MKI67: variants seen among roughly 807,000 people sequenced by gnomAD.
MKI67 encodes proliferation marker protein Ki-67.
A neutral mutation model predicts 233.5 loss-of-function variants in MKI67; 152 were observed. The ratio of observed to expected loss-of-function variants is 0.65; its 90% confidence interval spans 0.57 to 0.74. The LOEUF is 0.74. Ranked by LOEUF, MKI67 falls within the 30% of genes least tolerant of loss-of-function variation. The pLI, the probability that MKI67 is intolerant of heterozygous loss-of-function variation, is 0.00. For missense variants in MKI67, 3,940 were observed against 3,885.2 expected (o/e 1.01, Z -0.37); for synonymous variants, 1,465 against 1,418.5 (o/e 1.03, Z -0.74).
In MKI67 at chr10:128,115,266, T is replaced by A; in HGVS notation, c.1142A>T (p.Glu381Val). The A allele has an allele frequency of 6.2e-7, 1 of 1,614,208 alleles. No homozygotes were observed. Among genetic ancestry groups the A allele is most frequent in the Non-Finnish European group, 8.5e-7 (1 of 1,180,030 alleles). The change falls in exon 7 of 15, where the codon GAA becomes GTA. Residue 381 changes from glutamate (E) to valine (V), a missense_variant. Transcript: ENST00000368654. ...AGTTTTATCACCAGCCTTGAAGCCT[T>A]CACTTTTACCCAGATTCACAGATTC... ...RRESVNLGKS[E>V]GFKAGDKTLT... is the part of the protein sequence containing the mutation.
Position 128,125,979 on chromosome 10 carries a change from C to G in MKI67, c.-90+120G>C. The stretch of plus-strand genomic sequence containing the variant: ...CCACCGAGACGCCCTCGCCAGAGCC[C>G]AGGAGGAGTCGGGCCCAGGCCGCGC... On this transcript the variant is annotated intron_variant, in intron 1 of 14. Coordinates refer to ENST00000368654, the MANE Select transcript of MKI67 (RefSeq NM_002417.5). This position sits in a 1 kb window ranked among gnomAD's most constrained non-coding sequence, Gnocchi z 5.3. 1 of 395,458 alleles carries G rather than the reference C, an allele frequency of 2.5e-6. No individual in the cohort carries two copies. Among genetic ancestry groups the G allele is most frequent in the African/African-American group, 2.1e-5 (1 of 47,316 alleles). The allele number at this position is 395,458 out of a possible 1,614,324, so 24.5% of individuals were successfully genotyped here. A position where few individuals can be genotyped will look rare whatever the true frequency, so the allele number is the denominator to read the frequency against.
Position 128,108,618 on chromosome 10 carries a change from C to T in MKI67, c.3222G>A (p.Gln1074=). The part of the protein sequence containing the change: ...SIRTFKESPK[Q]ILDPAARVTG... ...TTACACGGGCTGCTGGGTCCAGGAT[C>T]TGCTTTGGAGACTCCTTAAACGTTC... Residue 1074 remains glutamine, a synonymous_variant, in exon 13 of 15, where the codon CAG becomes CAA. Coordinates refer to ENST00000368654, the MANE Select transcript of MKI67 (RefSeq NM_002417.5). The T allele has an allele frequency of 6.2e-7, 1 of 1,614,208 alleles. No individual in the cohort carries two copies. Among genetic ancestry groups the T allele is most frequent in the East Asian group, 2.2e-5 (1 of 44,874 alleles).
chr10:128,103,657 A>C lies in MKI67; in HGVS notation c.8183T>G (p.Val2728Gly). Reference sequence around the variant, plus strand: ...CTCTTCTTTTACTTGTACCTTCTGCACACGTGTCCTGAGATGCCTCTTTGT... The same window carrying C: ...CTCTTCTTTTACTTGTACCTTCTGCCCACGTGTCCTGAGATGCCTCTTTGT... ...ASTKRHLRTR[V>G]QKVQVKEEPS... The change falls in exon 13 of 15, where the codon GTG becomes GGG. Residue 2728 changes from valine (V) to glycine (G), a missense_variant. Physicochemically the swap from Val to Gly is moderately radical, Grantham distance 109 (BLOSUM62 -3). Coordinates refer to ENST00000368654, the MANE Select transcript of MKI67 (RefSeq NM_002417.5). The C allele has an allele frequency of 6.2e-7, 1 of 1,613,964 alleles. No individual in the cohort carries two copies. Among genetic ancestry groups the C allele is most frequent in the Non-Finnish European group, 8.5e-7 (1 of 1,179,998 alleles).
At position 128,111,994 on chromosome 10, in the gene MKI67, G is replaced by C. The variant is rs567298014; in HGVS notation, c.2021C>G (p.Thr674Ser). 3.1e-6 allele frequency: 5 copies of C among 1,613,606 alleles called. No individual in the cohort carries two copies. In the Admixed American group the frequency reaches 8.4e-5, roughly 27 times the overall value. ...TTGAGGACCATGTTTTATGACTTTA[G>C]TTTGTGTTTGTTTTGCACCAAGTTT... ...VVKLGAKQTQ[T>S]KVIKHGPQRS... The change falls in exon 10 of 15, where the codon ACT becomes AGT. Residue 674 changes from threonine to serine, a missense_variant. By Grantham distance (58) the Thr-to-Ser change is moderately conservative. Transcript: ENST00000368654.
rs150525316 is a variant in MKI67 at position 128,105,793 on chromosome 10, C to A, written c.6047G>T (p.Gly2016Val). The change falls in exon 13 of 15, where the codon GGC becomes GTC. Residue 2016 changes from glycine (G) to valine (V), a missense_variant. Physicochemically the swap from Gly to Val is moderately radical, Grantham distance 109 (BLOSUM62 -3). Coordinates refer to ENST00000368654, the MANE Select transcript of MKI67 (RefSeq NM_002417.5). ...VGVKEEVLPV[G>V]KLTQTSGKTT... ...CTTCCCTGACGTCTGTGTGAGCTTGCCGACTGGTAGGACCTCTTCTTTCAC... is the reference window on the plus strand; with the variant it reads ...CTTCCCTGACGTCTGTGTGAGCTTGACGACTGGTAGGACCTCTTCTTTCAC... The A allele has an allele frequency of 6.4e-5, 104 of 1,614,060 alleles. No individual in the cohort carries two copies. The highest frequency in any genetic ancestry group is 1.6e-4 in the Middle Eastern group (1 of 6,084).
chr10:128,121,643 G>T (rs1184879758), intron 4 of MKI67, among the ~76,000 whole-genome samples: 1 of 146,976 alleles, frequency 6.8e-6, no homozygotes. Flanking sequence ...GTAGAATACA[G>T]TTTTCAATTA....
At position 128,099,031 on chromosome 10, in the gene MKI67, T is replaced by G; in HGVS notation, c.*159A>C. 1.8e-6 allele frequency: 1 copy of G among 553,280 alleles called. No individual in the cohort carries two copies. Among genetic ancestry groups the G allele is most frequent in the Non-Finnish European group, 3.1e-6 (1 of 317,934 alleles). The allele number at this position is 553,280 out of a possible 1,614,324, so 34.3% of individuals were successfully genotyped here. On this transcript the variant is annotated 3_prime_UTR_variant, in exon 15 of 15. Coordinates refer to ENST00000368654, the MANE Select transcript of MKI67 (RefSeq NM_002417.5). The stretch of plus-strand genomic sequence containing the variant: ...GAGCCCAGCAGTGCTCCCAGTGGAG[T>G]TTATGAAGCCGATTCAGACCCAGCA...
chr10:128,109,246 G>C lies in MKI67; in HGVS notation c.2594C>G (p.Pro865Arg), dbSNP rs1303894091. 6 of 1,614,132 alleles carry C rather than the reference G, an allele frequency of 3.7e-6. No individual in the cohort carries two copies. The South Asian group carries it at 6.6e-5, about 18-fold the overall frequency. Residue 865 changes from proline to arginine, a missense_variant, in exon 13 of 15, where the codon CCT (proline) becomes CGT (arginine). Physicochemically the swap from Pro to Arg is moderately radical, Grantham distance 103. Transcript: ENST00000368654. ...GTTTGCAGTGGATACTGTTTTTGAA[G>C]GCTCTGTCTCAGTATCTGAAGTTTT... ...ETKTSDTETE[P>R]SKTVSTANRS...
At position 128,101,422 on chromosome 10, in the gene MKI67, C is replaced by A. The variant is rs768217731; in HGVS notation, c.9541G>T (p.Val3181Phe). The change falls in exon 14 of 15, where the codon GTT becomes TTT. Residue 3181 changes from valine (V) to phenylalanine (F), a missense_variant. Physicochemically the swap from Val to Phe is conservative, Grantham distance 50 (BLOSUM62 -1). Coordinates refer to ENST00000368654, the MANE Select transcript of MKI67 (RefSeq NM_002417.5). ...EESGGQKSAK[V>F]LMQNQKGKGE... is the part of the protein sequence containing the mutation. ...TTCCCTTTCTGATTCTGCATGAGAA[C>A]CTTCGCACTCTTCTGCCCTCCGCTC... The A allele has an allele frequency of 6.4e-5, 103 of 1,614,064 alleles. No homozygotes were observed. The highest frequency in any genetic ancestry group is 7.6e-5 in the Non-Finnish European group (90 of 1,180,052).
Position 128,106,635 on chromosome 10 carries a change from T to A in MKI67, c.5205A>T (p.Val1735=). Residue 1735 remains valine, a synonymous_variant, in exon 13 of 15, where the codon GTA becomes GTT. Transcript: ENST00000368654. ...GGTCTGGCTGTGAAGCTCTGTAGGATACTTTGGTAGTTTTTTCGTTAGTCA... is the reference window on the plus strand; with the variant it reads ...GGTCTGGCTGTGAAGCTCTGTAGGAAACTTTGGTAGTTTTTTCGTTAGTCA... The part of the protein sequence containing the change: ...ESMTNEKTTK[V]SYRASQPDLV... 1 of 1,614,220 alleles carries A rather than the reference T, an allele frequency of 6.2e-7. No individual in the cohort carries two copies. Among genetic ancestry groups the A allele is most frequent in the Non-Finnish European group, 8.5e-7 (1 of 1,180,036 alleles).
In MKI67 at chr10:128,112,121, T is replaced by C. The variant is rs951728516; in HGVS notation, c.1969+12A>G. 1.2e-6 allele frequency: 2 copies of C among 1,612,792 alleles called. No homozygotes were observed. Among genetic ancestry groups the C allele is most frequent in the Admixed American group, 3.3e-5 (2 of 59,934 alleles). ...ATTCACCTTAATATATGTATTCTAA[T>C]GTCAGACTAACCAATCAGATTTGCT... On this transcript the variant is annotated intron_variant, in intron 9 of 14. Transcript: ENST00000368654.
Position 128,110,448 on chromosome 10 carries a change from A to T in MKI67, c.2346T>A (p.Asn782Lys). The T allele has an allele frequency of 6.3e-7, 1 of 1,588,376 alleles. No individual in the cohort carries two copies. Among genetic ancestry groups the T allele is most frequent in the Non-Finnish European group, 8.6e-7 (1 of 1,159,568 alleles). The change falls in exon 12 of 15, where the codon AAT becomes AAA. Residue 782 changes from asparagine (N) to lysine (K), a missense_variant. By Grantham distance (94) the Asn-to-Lys change is moderately conservative. Transcript: ENST00000368654. ...TTCCTTGAAACTGTTTTCCAAGCAA[A>T]TTCTCTGAATTTGAAATAGCGATGT... Reference protein sequence around the residue: ...TCHIAISNSENLLGKQFQGTD... With the variant: ...TCHIAISNSEKLLGKQFQGTD...
At position 128,110,487 on chromosome 10, in the gene MKI67, C is replaced by G. The variant is rs776067239; in HGVS notation, c.2307G>C (p.Leu769Phe). 80 of 1,576,450 alleles carry G rather than the reference C, an allele frequency of 5.1e-5. 1 individual carries two copies. In the Admixed American group the frequency reaches 1.0e-3, roughly 21 times the overall value. The change falls in exon 12 of 15, where the codon TTG (leucine) becomes TTC (phenylalanine). Residue 769 changes from leucine to phenylalanine, a missense_variant. By Grantham distance (22) the Leu-to-Phe change is conservative. Transcript: ENST00000368654. ...AAATAGCGATGTGACATGTGCTTGT[C>G]AACTGCGGTTGCTCCTTCACTGGGG... ...FKTPVKEQPQLTSTCHIAISN... is the reference protein window; with the variant it reads ...FKTPVKEQPQFTSTCHIAISN...
Position 128,123,002 on chromosome 10 carries a change from A to G in MKI67, c.172-6T>C. 1 of 1,580,184 alleles carries G rather than the reference A, an allele frequency of 6.3e-7. No individual in the cohort carries two copies. Among genetic ancestry groups the G allele is most frequent in the East Asian group, 2.2e-5 (1 of 44,562 alleles). On this transcript the variant is annotated splice_region_variant and splice_polypyrimidine_tract_variant and intron_variant, in intron 3 of 14. Coordinates refer to ENST00000368654, the MANE Select transcript of MKI67 (RefSeq NM_002417.5). Reference sequence around the variant, plus strand: ...CTGAAATTATGTAATATTGCCTGCAAGTGAAAAGAAGGGGAAATATGTAAC... The same window carrying G: ...CTGAAATTATGTAATATTGCCTGCAGGTGAAAAGAAGGGGAAATATGTAAC...
intron 12 of MKI67, among the ~76,000 whole-genome samples, chr10:128,110,018 T>C (rs80149660): frequency 0.044 from 6,746 of 152,342 alleles, 195 homozygotes; most frequent in Non-Finnish European, 0.055. Flanking sequence ...CAAACTGTTA[T>C]CTTTCTGTTT....
rs1160592329 is a variant in MKI67, at chr10:128,107,114, G to C, written c.4726C>G (p.Gln1576Glu). The change falls in exon 13 of 15, where the codon CAA becomes GAA. Residue 1576 changes from glutamine (Q) to glutamate (E), a missense_variant. Transcript: ENST00000368654. The stretch of plus-strand genomic sequence containing the variant: ...GCCTGGGCCTTTTCCTTAGGAGTTT[G>C]TAGCCGTCTCTTGCTGCCAGTTAAG... ...ENLTGSKRRL[Q>E]TPKEKAQALE... 1 of 1,613,694 alleles carries C rather than the reference G, an allele frequency of 6.2e-7. No individual in the cohort carries two copies. Among genetic ancestry groups the C allele is most frequent in the Non-Finnish European group, 8.5e-7 (1 of 1,179,916 alleles).
rs751192481 is a variant in MKI67, at chr10:128,106,070, G to A, written c.5770C>T (p.Pro1924Ser). 1 of 1,614,066 alleles carries A rather than the reference G, an allele frequency of 6.2e-7. No homozygotes were observed. The highest frequency in any genetic ancestry group is 8.5e-7 in the Non-Finnish European group (1 of 1,180,030). ...CCTAGCAGGTCCAGTTTCTCCACTG[G>A]AGTCCCCACAAATGTGTTGATGTCT... ...EKDINTFVGT[P>S]VEKLDLLGNL... Residue 1924 changes from proline (P) to serine (S), a missense_variant, in exon 13 of 15, where the codon CCA (proline) becomes TCA (serine). Coordinates refer to ENST00000368654, the MANE Select transcript of MKI67 (RefSeq NM_002417.5).
chr10:128,124,959 C>G (rs1174959172), intron 2 of MKI67, among the ~76,000 whole-genome samples: 1 of 151,498 alleles, frequency 6.6e-6, no homozygotes, highest in Non-Finnish European at 1.5e-5. Context: ...GCCTGAATCC[C>G]GTGTGGTCTG....
Position 128,104,915 on chromosome 10 carries a change from T to C in MKI67, c.6925A>G (p.Lys2309Glu), listed in dbSNP as rs533069071. The C allele has an allele frequency of 2.5e-5, 40 of 1,612,124 alleles. No homozygotes were observed. The Admixed American group carries it at 6.2e-4, about 25-fold the overall frequency. The change falls in exon 13 of 15, where the codon AAG becomes GAG. Residue 2309 changes from lysine to glutamate, a missense_variant. Physicochemically the swap from Lys to Glu is moderately conservative, Grantham distance 56. Coordinates refer to ENST00000368654, the MANE Select transcript of MKI67 (RefSeq NM_002417.5). ...SKRWPQTPKE[K>E]AQALEDLAGF... ...GCCAGGTCTTCTAGAGCCTGGGCCT[T>C]TTCCTTAGGAGTTTGTGGCCATCTT...
Sources: allele counts gnomAD v4.1 joint callset (sites outside exome capture counted in the v4.1 genomes callset), GRCh38; gene constraint gnomAD v4.1.1; non-coding constraint Gnocchi (gnomAD v3.1); transcripts MANE v1.5; gene names NCBI Gene and HGNC (gene_info 2026-07-23, HGNC 2026-07-21).